The following NWD2 variants were observed in gnomAD, a reference collection of about 807,000 sequenced individuals.
NWD2 encodes NACHT and WD repeat domain-containing protein 2.
Under a neutral mutation model 132.7 loss-of-function variants are expected in NWD2, and 37 were observed. The observed-to-expected ratio is 0.28, with a 90% CI of 0.21 to 0.37. The LOEUF is 0.37. NWD2 is among the 10% of genes least tolerant of loss of function. The pLI is 1.00. For missense variants in NWD2, 1,592 were observed against 2,122.4 expected, an observed-to-expected ratio of 0.75 and a Z score of 4.91; for synonymous variants, 705 against 803.0, an observed-to-expected ratio of 0.88 and a Z score of 2.06.
rs1300267809 is a variant in NWD2 at position 37,245,031 on chromosome 4, T to TGGC, written c.-27_-25dup. On this transcript the variant is annotated 5_prime_UTR_variant, in exon 1 of 7. Coordinates refer to ENST00000309447, the MANE Select transcript of NWD2 (RefSeq NM_001144990.2). The stretch of plus-strand genomic sequence containing the variant: ...GGGCAGGAACCCGAGGAGCAGGAGG[T>TGGC]GGCGGCGGCGGCAGTGGCTGTTCCT... 3.2e-6 allele frequency: 5 copies of TGGC among 1,539,664 alleles called. No individual in the cohort carries two copies. Among genetic ancestry groups the TGGC allele is most frequent in the African/African-American group, 1.4e-5 (1 of 72,614 alleles).
At chr4:37,247,292 G>T (rs575613341) in intron 1 of NWD2, among the ~76,000 whole-genome samples, 10 of 152,174 alleles carry the variant, frequency 6.6e-5, no homozygotes, top group Non-Finnish European at 1.0e-4. Context: ...ACTTGACCGT[G>T]GGATCTTTAT....
At chr4:37,367,526 ACAGCTTTTAAAAC>A (rs1720125566) in intron 3 of NWD2, among the ~76,000 whole-genome samples, 2 of 152,188 alleles carry the variant, frequency 1.3e-5, no homozygotes, top group Non-Finnish European at 1.5e-5. Flanking sequence ...TCAGAGTATA[ACAGCTTTTAAAAC>A]GCTTCTACAA....
intron 2 of NWD2, among the ~76,000 whole-genome samples, chr4:37,331,877 G>A (rs1719300336): frequency 1.3e-5 from 2 of 152,034 alleles, no homozygotes; most frequent in South Asian, 4.1e-4. Context: ...TGTGCTTGGT[G>A]AAGGGAGAGT....
At chr4:37,328,885 C>T (rs1025497336) in intron 2 of NWD2, among the ~76,000 whole-genome samples, 1 of 151,944 alleles carries the variant, frequency 6.6e-6, no homozygotes. Flanking sequence ...TATGTATTGG[C>T]CTGCTTATTG....
chr4:37,264,639 A>G (rs1164702792), intron 1 of NWD2, among the ~76,000 whole-genome samples: 2 of 152,176 alleles, frequency 1.3e-5, no homozygotes, highest in African/African-American at 4.8e-5. Context: ...ACATATAACC[A>G]GACATTTTCA....
intron 3 of NWD2, among the ~76,000 whole-genome samples, chr4:37,371,072 C>CTTTTTTTTTTTTTTT (rs1309185055): frequency 2.0e-5 from 2 of 100,526 alleles, no homozygotes; most frequent in Admixed American, 1.3e-4. Flanking sequence ...ATTTTTTTTT[C>CTTTTTTTTTTTTTTT]TTTTTCTTTT....
intron 1 of NWD2, among the ~76,000 whole-genome samples, chr4:37,253,717 C>T (rs1717445739): frequency 6.6e-6 from 1 of 152,142 alleles, no homozygotes; most frequent in Non-Finnish European, 1.5e-5. Context: ...CTTAGCACGG[C>T]CTTGGGAAAA....
intron 1 of NWD2, among the ~76,000 whole-genome samples, chr4:37,266,889 A>G (rs958053584): frequency 2.0e-5 from 3 of 152,022 alleles, no homozygotes; most frequent in Non-Finnish European, 4.4e-5. Flanking sequence ...TTGGGGTGAA[A>G]ATAATACTTT....
intron 2 of NWD2, among the ~76,000 whole-genome samples, chr4:37,339,026 A>G (rs1719467392): frequency 6.6e-6 from 1 of 152,238 alleles, no homozygotes; most frequent in South Asian, 2.1e-4. Context: ...GCAGTGAAAT[A>G]GTGAAATGCA....
At chr4:37,307,175 A>G (rs1339543678) in intron 1 of NWD2, among the ~76,000 whole-genome samples, 1 of 152,162 alleles carries the variant, frequency 6.6e-6, no homozygotes, top group Non-Finnish European at 1.5e-5. Flanking sequence ...AATTTTCTGT[A>G]GTGATAAAGT....
intron 3 of NWD2, among the ~76,000 whole-genome samples, chr4:37,381,584 T>C (rs1249166206): frequency 6.6e-6 from 1 of 152,220 alleles, no homozygotes; most frequent in Non-Finnish European, 1.5e-5. Flanking sequence ...GTGTTTATTT[T>C]ATCCTCTGAA....
chr4:37,256,761 A>G (rs1717528740), intron 1 of NWD2, among the ~76,000 whole-genome samples: 2 of 152,200 alleles, frequency 1.3e-5, no homozygotes. Flanking sequence ...GAAAGATCCA[A>G]AGCTCTCTCT....
chr4:37,309,427 G>A (rs1373387160), intron 1 of NWD2, among the ~76,000 whole-genome samples: 5 of 152,004 alleles, frequency 3.3e-5, no homozygotes, highest in South Asian at 4.2e-4. Flanking sequence ...GCTACACCAC[G>A]GGGTCCAACT....
At position 37,443,859 on chromosome 4, in the gene NWD2, G is replaced by A. The variant is rs1246083444; in HGVS notation, c.1871G>A (p.Arg624Lys). ...ACCTTCAGGGAGGTGAGGCACTGGA[G>A]ATCTCACAAAGACGTCGATGAATCC... is the stretch of plus-strand genomic sequence containing the variant. The part of the protein sequence containing the change: ...NLTFREVRHW[R>K]SHKDVDESSL... Residue 624 changes from arginine to lysine, a missense_variant, in exon 7 of 7, where the codon AGA becomes AAA. By Grantham distance (26) the Arg-to-Lys change is conservative. Transcript: ENST00000309447. The surrounding 1 kb of genome is among the most constrained non-coding windows in gnomAD (Gnocchi z 4.1). The A allele has an allele frequency of 6.4e-7, 1 of 1,552,258 alleles. No homozygotes were observed. Among genetic ancestry groups the A allele is most frequent in the Admixed American group, 2.0e-5 (1 of 51,014 alleles).
At chr4:37,340,916 A>C (rs113599083) in intron 2 of NWD2, among the ~76,000 whole-genome samples, 2,259 of 152,358 alleles carry the variant, frequency 0.015, 63 homozygotes, top group African/African-American at 0.051. Flanking sequence ...ACCCTGAAGC[A>C]AATAAGTGGC....
chr4:37,435,909 A>G (rs567951536), intron 5 of NWD2, among the ~76,000 whole-genome samples: 1 of 152,114 alleles, frequency 6.6e-6, no homozygotes, highest in East Asian at 1.9e-4. Flanking sequence ...TGACGTGCCA[A>G]CTCTTTCAAA....
At chr4:37,414,785 G>A (rs1029702704) in intron 3 of NWD2, among the ~76,000 whole-genome samples, 6 of 152,174 alleles carry the variant, frequency 3.9e-5, no homozygotes, top group African/African-American at 1.4e-4. Context: ...TAATTCATCA[G>A]TAATAACACT....
rs1332545183 is a variant in NWD2 at position 37,445,127 on chromosome 4, G to A, written c.3139G>A (p.Val1047Ile). The A allele has an allele frequency of 1.9e-5, 29 of 1,552,000 alleles. No homozygotes were observed. The Admixed American group carries it at 5.7e-4, about 30-fold the overall frequency. ...TGTCAATTCTTGCCTCCTGTCTGAAGTAGAAATCAAGGGGACCAAGCATGG... is the reference window on the plus strand; with the variant it reads ...TGTCAATTCTTGCCTCCTGTCTGAAATAGAAATCAAGGGGACCAAGCATGG... The part of the protein sequence containing the change: ...DNVNSCLLSE[V>I]EIKGTKHGSS... The change falls in exon 7 of 7, where the codon GTA becomes ATA. Residue 1047 changes from valine to isoleucine, a missense_variant. Val to Ile is a conservative substitution (Grantham distance 29, BLOSUM62 3). This residue lies in a region of NWD2 where 1,071 missense variants were observed against 1,398.0 expected (regional missense o/e 0.77). Transcript: ENST00000309447. The surrounding 1 kb of genome is among the most constrained non-coding windows in gnomAD (Gnocchi z 4.7).
chr4:37,438,502 A>G (rs911106001), intron 5 of NWD2, among the ~76,000 whole-genome samples: 9 of 152,178 alleles, frequency 5.9e-5, no homozygotes, highest in African/African-American at 2.2e-4. Flanking sequence ...GCAATTAGAA[A>G]TAGTAGATAT....
Sources: gnomAD v4.1 joint callset for allele counts (sites outside exome capture counted in the v4.1 genomes callset) on GRCh38, gnomAD v4.1.1 for gene constraint, gnomAD v4.1.1 regional missense constraint, Gnocchi (gnomAD v3.1) non-coding constraint, MANE v1.5 for transcripts, NCBI Gene and HGNC (gene_info 2026-07-23, HGNC 2026-07-21) for gene names.